BACH2: variants seen among roughly 807,000 people sequenced by gnomAD.
The protein encoded by BACH2 is BACH transcriptional regulator 2.
Under a neutral mutation model 61.8 loss-of-function variants are expected in BACH2, and 5 were observed. The observed-to-expected ratio is 0.08, with a 90% CI of 0.04 to 0.17. BACH2 has a LOEUF of 0.17. Among genes scored for constraint, BACH2 ranks in the 10% least tolerant of loss-of-function variants. The pLI is 1.00. For missense variants in BACH2, 824 were observed against 1,091.1 expected (o/e 0.76, Z 3.45); for synonymous variants, 446 against 440.1 (o/e 1.01, Z -0.17).
intron 7 of BACH2, among the ~76,000 whole-genome samples, chr6:89,940,345 G>C (rs1259624427): frequency 6.6e-6 from 1 of 152,172 alleles, no homozygotes; most frequent in Non-Finnish European, 1.5e-5. Context: ...CAGTGAAAAA[G>C]ACTGCATGAA....
rs566325544 is a variant in BACH2 at position 90,056,428 on chromosome 6, T to C, written c.-13+32533A>G. Among the ~76,000 whole-genome samples the C allele has an allele frequency of 6.0e-3, 906 of 152,262 alleles. 52 individuals are homozygous for C. The East Asian group carries it at 0.14, about 23-fold the overall frequency. On this transcript the variant is annotated intron_variant, in intron 5 of 8. Transcript: ENST00000257749. The stretch of plus-strand genomic sequence containing the variant: ...ATTCAACAAGAAGAGCTAACTATCC[T>C]AAATATATATGCACCCAATACAGCA...
intron 5 of BACH2, among the ~76,000 whole-genome samples, chr6:90,032,704 A>G (rs1779057417): frequency 6.6e-6 from 1 of 152,142 alleles, no homozygotes; most frequent in South Asian, 2.1e-4. Flanking sequence ...AAGTCAGGAA[A>G]CAACAGGTGC....
chr6:90,262,442 C>G (rs1310321030), intron 2 of BACH2, among the ~76,000 whole-genome samples: 1 of 152,168 alleles, frequency 6.6e-6, no homozygotes, highest in African/African-American at 2.4e-5. Context: ...GTTGTTAGTA[C>G]CCATTCATGG....
chr6:89,937,637 A>T (rs147217456), intron 8 of BACH2, among the ~76,000 whole-genome samples: 1 of 152,160 alleles, frequency 6.6e-6, no homozygotes, highest in African/African-American at 2.4e-5. Flanking sequence ...TCAAGTGATT[A>T]TCCTGCCTCA....
chr6:90,210,373 C>T (rs1228861891), intron 3 of BACH2, among the ~76,000 whole-genome samples: 3 of 151,380 alleles, frequency 2.0e-5, no homozygotes, highest in South Asian at 2.1e-4. Flanking sequence ...ACCAAGACCA[C>T]CATTTAACAG....
intron 6 of BACH2, among the ~76,000 whole-genome samples, chr6:89,989,308 C>T (rs913364484): frequency 6.6e-6 from 1 of 152,164 alleles, no homozygotes; most frequent in Non-Finnish European, 1.5e-5. Context: ...TCTCCTTTTC[C>T]ACCTCCTCAC....
At chr6:90,107,064 C>A (rs1782953440) in intron 4 of BACH2, among the ~76,000 whole-genome samples, 1 of 152,124 alleles carries the variant, frequency 6.6e-6, no homozygotes, top group South Asian at 2.1e-4. Context: ...ATTTAAAAAT[C>A]ATCATTTCAA....
chr6:90,012,984 C>A (rs1258401187), intron 5 of BACH2, among the ~76,000 whole-genome samples: 2 of 152,030 alleles, frequency 1.3e-5, no homozygotes, highest in East Asian at 3.9e-4. Flanking sequence ...GTATATAGGT[C>A]TTTTATACCT....
intron 4 of BACH2, among the ~76,000 whole-genome samples, chr6:90,110,396 T>C (rs1165962957): frequency 1.3e-5 from 2 of 152,230 alleles, no homozygotes; most frequent in Admixed American, 1.3e-4. Context: ...TGCATAATTT[T>C]ATAACATTAC....
At chr6:90,111,316 T>G (rs1023992070) in intron 4 of BACH2, among the ~76,000 whole-genome samples, 4 of 152,310 alleles carry the variant, frequency 2.6e-5, no homozygotes, top group African/African-American at 9.6e-5. Context: ...ATGCTTTTAC[T>G]TTTGCCTCTG....
At chr6:90,249,338 A>G (rs550062462) in intron 3 of BACH2, among the ~76,000 whole-genome samples, 1 of 152,336 alleles carries the variant, frequency 6.6e-6, no homozygotes, top group African/African-American at 2.4e-5. Context: ...TCTTCCTCCC[A>G]TAACTGCAAA....
chr6:90,067,183 G>A (rs1582301755), intron 5 of BACH2, among the ~76,000 whole-genome samples: 1 of 152,166 alleles, frequency 6.6e-6, no homozygotes, highest in African/African-American at 2.4e-5. Flanking sequence ...AAATGAGGAC[G>A]ATTTTGACAA....
chr6:90,166,272 G>GAC (rs1249002648), intron 4 of BACH2, among the ~76,000 whole-genome samples: 3 of 152,180 alleles, frequency 2.0e-5, no homozygotes, highest in Admixed American at 6.5e-5. Context: ...CTCAAAAGAA[G>GAC]ACATTTATGC....
chr6:90,291,279 A>G (rs9451375), intron 1 of BACH2, among the ~76,000 whole-genome samples: 2 of 151,848 alleles, frequency 1.3e-5, no homozygotes, highest in East Asian at 3.9e-4. Context: ...ATTATTTTGG[A>G]AAAAAAATAG....
chr6:90,259,168 T>C (rs916030036), intron 2 of BACH2, among the ~76,000 whole-genome samples: 1 of 152,198 alleles, frequency 6.6e-6, no homozygotes, highest in African/African-American at 2.4e-5. Context: ...GGAAAAACTT[T>C]CAGTTTTCCC....
intron 6 of BACH2, among the ~76,000 whole-genome samples, chr6:89,954,940 C>A (rs1774345464): frequency 6.6e-6 from 1 of 152,238 alleles, no homozygotes; most frequent in Non-Finnish European, 1.5e-5. Flanking sequence ...GAGCTCATAA[C>A]TAGCTCTTCT....
At chr6:90,237,084 C>T (rs926170844) in intron 3 of BACH2, among the ~76,000 whole-genome samples, 8 of 152,016 alleles carry the variant, frequency 5.3e-5, no homozygotes, top group African/African-American at 9.7e-5. Context: ...CCACCACGCC[C>T]GGCTAATTTT....
chr6:89,949,974 G>GGAGT, intron 7 of BACH2: 1 of 454,154 alleles, frequency 2.2e-6, no homozygotes. Context: ...AGGGGGGTCT[G>GGAGT]GAGTGCCTCA....
rs569269216 is a variant in BACH2, at chr6:90,147,384, T to C, written c.-161-58275A>G. On this transcript the variant is annotated intron_variant, in intron 4 of 8. Coordinates refer to ENST00000257749, the MANE Select transcript of BACH2 (RefSeq NM_021813.4). ...AATTAAATTATCTCACGTTTTTCTC[T>C]GATCTGCTGTTCGCAGCTTGTCACA... 1.3e-3 allele frequency among the ~76,000 whole-genome samples: 195 copies of C among 152,312 alleles called. 1 individual carries two copies. The highest frequency in any genetic ancestry group is 1.2e-3 in the Non-Finnish European group (80 of 68,022).
Sources: allele counts gnomAD v4.1 joint callset (sites outside exome capture counted in the v4.1 genomes callset), GRCh38; gene constraint gnomAD v4.1.1; transcripts MANE v1.5; gene names NCBI Gene and HGNC (gene_info 2026-07-23, HGNC 2026-07-21).